STK3: variants seen among roughly 807,000 people sequenced by gnomAD.
STK3 encodes serine/threonine kinase 3.
In STK3, 41 loss-of-function variants were observed where a neutral mutation model predicts 58.0. The ratio of observed to expected loss-of-function variants is 0.71; its 90% CI spans 0.55 to 0.92. The LOEUF (loss-of-function observed/expected upper bound fraction) is 0.92, where lower values mean the gene tolerates loss of function less well. Ranked by LOEUF, STK3 falls within the 40% of genes least tolerant of loss-of-function variation. The probability of loss-of-function intolerance (pLI) is 0.00; values close to 1 mark genes in which losing one functional copy is unlikely to be tolerated. For missense variants in STK3, 479 were observed against 602.7 expected (o/e 0.79, Z 2.15); for synonymous variants, 170 against 191.0 (o/e 0.89, Z 0.91).
intron 3 of STK3, among the ~76,000 whole-genome samples, chr8:98,871,818 C>A (rs887548787): frequency 7.9e-5 from 12 of 151,976 alleles, no homozygotes; most frequent in Admixed American, 2.6e-4. Context: ...TCTTTTCCTA[C>A]TTGAATACCC....
At chr8:98,680,981 CTTT>C (rs371666746) in intron 6 of STK3, among the ~76,000 whole-genome samples, 48 of 124,760 alleles carry the variant, frequency 3.8e-4, no homozygotes, top group African/African-American at 1.1e-3. Flanking sequence ...CCCCACCTTT[CTTT>C]TTTTTTTTTT....
In STK3 at chr8:98,857,177, G is replaced by A. The variant is rs184571480; in HGVS notation, c.110+26470C>T. Among the ~76,000 whole-genome samples, 6 of 152,268 alleles carry A rather than the reference G, an allele frequency of 3.9e-5. 1 individual carries two copies. In the South Asian group the frequency reaches 6.2e-4, roughly 16 times the overall value. On this transcript the variant is annotated intron_variant, in intron 3 of 12. Coordinates refer to the STK3 transcript ENST00000523601. Reference sequence around the variant, plus strand: ...ATTTGTGAACGTACTAAAGGCCACCGAATCACACACTTTAAAGGGTGAATT... The same window carrying A: ...ATTTGTGAACGTACTAAAGGCCACCAAATCACACACTTTAAAGGGTGAATT...
intron 3 of STK3, chr8:98,429,018 G>A (rs1472287991): frequency 1.9e-6 from 3 of 1,613,924 alleles, no homozygotes; most frequent in Non-Finnish European, 1.7e-6. Context: ...CTCCGTGGTG[G>A]CCTACACCAT....
intron 10 of STK3, among the ~76,000 whole-genome samples, chr8:98,508,124 C>T (rs1391099115): frequency 6.6e-6 from 1 of 152,042 alleles, no homozygotes; most frequent in Non-Finnish European, 1.5e-5. Context: ...AGAACAGTGC[C>T]AGGCATGTAT....
chr8:98,427,960 G>A, intron 3 of STK3: 1 of 1,482,838 alleles, frequency 6.7e-7, no homozygotes, highest in Non-Finnish European at 9.0e-7. Context: ...CGCGCGGCGC[G>A]GGCGGCCGGC....
chr8:98,912,483 T>A (rs1383815261), intron 1 of STK3, among the ~76,000 whole-genome samples: 1 of 152,202 alleles, frequency 6.6e-6, no homozygotes, highest in Non-Finnish European at 1.5e-5. Context: ...ACTTACATTT[T>A]GCCCCAAATT....
At chr8:98,344,801 G>C in the STK3 span, among the ~76,000 whole-genome samples, 1 of 146,984 alleles carries the variant, frequency 6.8e-6, no homozygotes, top group African/African-American at 2.5e-5. Flanking sequence ...GCTGAGGCAG[G>C]AGAATGGCGT....
intron 10 of STK3, among the ~76,000 whole-genome samples, chr8:98,474,466 T>C (rs1821157454): frequency 6.6e-6 from 1 of 152,222 alleles, no homozygotes; most frequent in Admixed American, 6.5e-5. Context: ...CATGACTGAT[T>C]CTCTTTCAGT....
At chr8:98,546,078 T>C (rs1563725735) in intron 9 of STK3, among the ~76,000 whole-genome samples, 1 of 152,162 alleles carries the variant, frequency 6.6e-6, no homozygotes, top group Non-Finnish European at 1.5e-5. Context: ...AGTTGGCTCA[T>C]GGGATTTAAA....
At chr8:98,440,602 T>C (rs1193794260) in intron 1 of STK3, among the ~76,000 whole-genome samples, 1 of 152,048 alleles carries the variant, frequency 6.6e-6, no homozygotes, top group Non-Finnish European at 1.5e-5. Context: ...TAACCAGTGG[T>C]ACAGTGCAAA....
chr8:98,548,179 C>T lies in STK3; in HGVS notation c.949-18G>A, dbSNP rs779436718. On this transcript the variant is annotated intron_variant, in intron 8 of 10. Coordinates refer to ENST00000419617, the MANE Select transcript of STK3 (RefSeq NM_006281.4). Reference sequence around the variant, plus strand: ...TCTTCATCCTGCAAGCAAAATACTGCAATGAGGGAAGACTTTTCTATGACA... The same window carrying T: ...TCTTCATCCTGCAAGCAAAATACTGTAATGAGGGAAGACTTTTCTATGACA... 15 of 1,482,256 alleles carry T rather than the reference C, an allele frequency of 1.0e-5. No individual in the cohort carries two copies. Among genetic ancestry groups the T allele is most frequent in the Non-Finnish European group, 1.3e-5 (15 of 1,114,394 alleles). The allele number at this position is 1,482,256 out of a possible 1,614,324, so 91.8% of individuals were successfully genotyped here. A position where few individuals can be genotyped will look rare whatever the true frequency, so the allele number is the denominator to read the frequency against.
intron 6 of STK3, chr8:98,597,602 CA>C: frequency 1.0e-6 from 1 of 985,368 alleles, no homozygotes; most frequent in Non-Finnish European, 1.2e-6. Context: ...TTCGTTCAGA[CA>C]AAATCAATCT....
At chr8:98,498,139 T>C (rs1656828543) in intron 10 of STK3, among the ~76,000 whole-genome samples, 2 of 149,830 alleles carry the variant, frequency 1.3e-5, no homozygotes, top group African/African-American at 2.4e-5. Context: ...GTTTCTACCT[T>C]TTTTTTTTTA....
intron 8 of STK3, among the ~76,000 whole-genome samples, chr8:98,579,034 C>G (rs560437735): frequency 1.3e-5 from 2 of 151,992 alleles, no homozygotes; most frequent in East Asian, 1.9e-4. Flanking sequence ...GCCTGTAGTC[C>G]CAGATACTCA....
chr8:98,540,276 T>C (rs1333689560), intron 9 of STK3, among the ~76,000 whole-genome samples: 2 of 152,230 alleles, frequency 1.3e-5, no homozygotes, highest in Non-Finnish European at 2.9e-5. Flanking sequence ...GAAGCACTTG[T>C]AGAGTTTTTA....
At chr8:98,709,444 C>T (rs1826223221) in intron 4 of STK3, among the ~76,000 whole-genome samples, 1 of 152,164 alleles carries the variant, frequency 6.6e-6, no homozygotes, top group South Asian at 2.1e-4. Context: ...AACACTTCCA[C>T]ACTCATTTTA....
chr8:98,760,342 G>T (rs1005549323), intron 3 of STK3, among the ~76,000 whole-genome samples: 1 of 152,006 alleles, frequency 6.6e-6, no homozygotes, highest in African/African-American at 2.4e-5. Context: ...GTCTCACTAC[G>T]TTATCCAGGC....
chr8:98,505,946 C>G (rs760944034), intron 10 of STK3, among the ~76,000 whole-genome samples: 8 of 152,202 alleles, frequency 5.3e-5, no homozygotes, highest in African/African-American at 1.9e-4. Flanking sequence ...CAGACAAGGA[C>G]GTTTAAGTCT....
chr8:98,560,323 C>CA (rs977896704), intron 8 of STK3, among the ~76,000 whole-genome samples: 2 of 152,012 alleles, frequency 1.3e-5, no homozygotes, highest in Admixed American at 6.6e-5. Context: ...ACAGAATCTA[C>CA]AAAAAACTCC....
Sources: gnomAD v4.1 joint callset for allele counts (sites outside exome capture counted in the v4.1 genomes callset) on GRCh38, gnomAD v4.1.1 for gene constraint, MANE v1.5 for transcripts, NCBI Gene and HGNC (gene_info 2026-07-23, HGNC 2026-07-21) for gene names.